The following ARFGEF1 variants were observed in gnomAD, a reference collection of about 807,000 sequenced individuals.
ARFGEF1 encodes ARF guanine nucleotide exchange factor 1, also known as brefeldin A-inhibited guanine nucleotide-exchange protein 1.
A neutral mutation model predicts 231.0 loss-of-function variants in ARFGEF1; 42 were observed. The observed-to-expected ratio is 0.18, with a 90% CI of 0.14 to 0.24. The LOEUF is 0.24. Ranked by LOEUF, ARFGEF1 falls within the 10% of genes least tolerant of loss-of-function variation. The probability of loss-of-function intolerance (pLI) is 1.00; values close to 1 mark genes in which losing one functional copy is unlikely to be tolerated. For missense variants in ARFGEF1, 1,345 were observed against 2,192.0 expected (o/e 0.61, Z 7.72); for synonymous variants, 710 against 732.3 (o/e 0.97, Z 0.49).
At chr8:67,327,357 G>A (rs1303537259) in intron 1 of ARFGEF1, among the ~76,000 whole-genome samples, 1 of 135,194 alleles carries the variant, frequency 7.4e-6, no homozygotes, top group East Asian at 2.1e-4. Context: ...TTTCGCTGTT[G>A]CCCAGGCTGG....
Position 67,246,980 on chromosome 8 carries a change from A to T in ARFGEF1, c.2850+4319T>A, listed in dbSNP as rs1323787088. Among the ~76,000 whole-genome samples, 2 of 150,222 alleles carry T rather than the reference A, an allele frequency of 1.3e-5. 1 individual carries two copies. The highest frequency in any genetic ancestry group is 5.0e-5 in the African/African-American group (2 of 40,220). On this transcript the variant is annotated intron_variant, in intron 19 of 38. Coordinates refer to ENST00000262215, the MANE Select transcript of ARFGEF1 (RefSeq NM_006421.5). ...TACTCTGAGCAACTACATGCCGGTA[A>T]ACTGGAAAATCTAAAGGAAATGGAT...
chr8:67,276,891 G>C (rs897693855), intron 8 of ARFGEF1, among the ~76,000 whole-genome samples: 2 of 152,086 alleles, frequency 1.3e-5, no homozygotes, highest in African/African-American at 4.8e-5. Flanking sequence ...TATGACCTCT[G>C]AGCGTCATCT....
In ARFGEF1 at chr8:67,259,719, A is replaced by G. The variant is rs888618199; in HGVS notation, c.2235+96T>C. 5 of 798,290 alleles carry G rather than the reference A, an allele frequency of 6.3e-6. No individual in the cohort carries two copies. In the African/African-American group the frequency reaches 8.7e-5, roughly 14 times the overall value. 49.5% of individuals were successfully genotyped at this position (798,290 alleles called of 1,614,324 possible). ...TGCCTGAGCCCAGGAGTTCAAAACT[A>G]GCCTGGGCAATATAGCGAGACCCTG... is the stretch of plus-strand genomic sequence containing the variant. On this transcript the variant is annotated intron_variant, in intron 15 of 38. Transcript: ENST00000262215.
chr8:67,218,103 T>G lies in ARFGEF1; in HGVS notation c.4374A>C (p.Ala1458=), dbSNP rs376777139. The change falls in exon 31 of 39, where the codon GCA becomes GCC. Residue 1458 remains alanine, a synonymous_variant. Coordinates refer to ENST00000262215, the MANE Select transcript of ARFGEF1 (RefSeq NM_006421.5). The part of the protein sequence containing the change: ...AEWMTTTCNH[A]LYAICDVFTQ... ...TGAATACATCACAGATTGCATAAAG[T>G]GCATGATTGCAAGTTGTTGTCATCC... 57 of 1,543,978 alleles carry G rather than the reference T, an allele frequency of 3.7e-5. No homozygotes were observed. The highest frequency in any genetic ancestry group is 4.9e-5 in the Non-Finnish European group (56 of 1,143,714).
At chr8:67,254,089 A>C (rs1436691741) in intron 17 of ARFGEF1, among the ~76,000 whole-genome samples, 1 of 152,210 alleles carries the variant, frequency 6.6e-6, no homozygotes, top group Admixed American at 6.5e-5. Flanking sequence ...ACCAGTTAAC[A>C]ATCTCTCTGA....
intron 15 of ARFGEF1, among the ~76,000 whole-genome samples, chr8:67,258,538 G>A (rs1840537283): frequency 3.3e-5 from 5 of 151,956 alleles, no homozygotes; most frequent in Admixed American, 3.3e-4. Context: ...ATCTTGGCCA[G>A]GCTGGTCTCC....
At position 67,259,862 on chromosome 8, in the gene ARFGEF1, G is replaced by T; in HGVS notation, c.2188C>A (p.Pro730Thr). The change falls in exon 15 of 39, where the codon CCT (proline) becomes ACT (threonine). Residue 730 changes from proline to threonine, a missense_variant. Pro to Thr is a conservative substitution (Grantham distance 38, BLOSUM62 -1). This residue lies in a region of ARFGEF1 where 105 missense variants were observed against 159.3 expected (regional missense o/e 0.66). Transcript: ENST00000262215. ...LQEQGMLGTT[P>T]EDIAQFLHQE... Reference sequence around the variant, plus strand: ...TGTAAGAATTGGGCAATATCTTCAGGTGTGGTGCCAAGCATCCCTTGTTCT... The same window carrying T: ...TGTAAGAATTGGGCAATATCTTCAGTTGTGGTGCCAAGCATCCCTTGTTCT... The T allele has an allele frequency of 1.2e-6, 2 of 1,613,140 alleles. No homozygotes were observed. Among genetic ancestry groups the T allele is most frequent in the Non-Finnish European group, 1.7e-6 (2 of 1,179,474 alleles).
intron 1 of ARFGEF1, among the ~76,000 whole-genome samples, chr8:67,308,007 C>T (rs1289658806): frequency 5.3e-5 from 8 of 152,194 alleles, no homozygotes; most frequent in Non-Finnish European, 8.8e-5. Flanking sequence ...TGTGAGAAGC[C>T]CAAGCCACTT....
chr8:67,211,022 C>T (rs996742082), intron 34 of ARFGEF1, among the ~76,000 whole-genome samples: 6 of 134,104 alleles, frequency 4.5e-5, no homozygotes, highest in South Asian at 2.4e-4. Flanking sequence ...CCAGCGTAGG[C>T]GACAGGGTGA....
chr8:67,212,123 C>A (rs1021678383), intron 33 of ARFGEF1, among the ~76,000 whole-genome samples: 1 of 152,158 alleles, frequency 6.6e-6, no homozygotes, highest in Admixed American at 6.5e-5. Context: ...GCTCTTGTTG[C>A]CCAGGCTGGA....
intron 14 of ARFGEF1, among the ~76,000 whole-genome samples, chr8:67,261,852 T>TA (rs983843639): frequency 2.1e-5 from 3 of 142,390 alleles, no homozygotes; most frequent in South Asian, 2.2e-4. Flanking sequence ...TTTTTTTTTT[T>TA]AAAGAAATGG....
rs1408637115 is a variant in ARFGEF1 at position 67,292,180 on chromosome 8, GATA to G, written c.640-60_640-58del. The G allele has an allele frequency of 4.1e-6, 6 of 1,480,684 alleles. No individual in the cohort carries two copies. In the African/African-American group the frequency reaches 8.4e-5, roughly 21 times the overall value. The allele number at this position is 1,480,684 out of a possible 1,614,324, so 91.7% of individuals were successfully genotyped here. On this transcript the variant is annotated intron_variant, in intron 5 of 38. Coordinates refer to ENST00000262215, the MANE Select transcript of ARFGEF1 (RefSeq NM_006421.5). ...AAATAAGTTGTTTAAAATTTGGAAG[GATA>G]ATGTTACCTCCAACAATCCTTTCTA...
chr8:67,258,894 C>T (rs1840553500), intron 15 of ARFGEF1, among the ~76,000 whole-genome samples: 1 of 151,314 alleles, frequency 6.6e-6, no homozygotes, highest in South Asian at 2.1e-4. Flanking sequence ...GGTTCCAGGA[C>T]CCTGCATGGA....
At chr8:67,174,019 G>A (rs987932155), downstream of ARFGEF1, 4 of 151,690 alleles carry the variant, frequency 2.6e-5, no homozygotes, top group Admixed American at 6.6e-5. Flanking sequence ...CTAATATGGC[G>A]TGTGTGTGTG....
rs760372196 is a variant in ARFGEF1 at position 67,271,833 on chromosome 8, T to C, written c.1441A>G (p.Ile481Val). ...FRTNEMFINA[I>V]KQYLCVALSK... ...AGTGCAACACAAAGATACTGCTTAA[T>C]AGCATTAATAAACATCTCATTTGTC... is the stretch of plus-strand genomic sequence containing the variant. The change falls in exon 10 of 39, where the codon ATT (isoleucine) becomes GTT (valine). Residue 481 changes from isoleucine to valine, a missense_variant. This residue lies in a region of ARFGEF1 where 141 missense variants were observed against 259.9 expected (regional missense o/e 0.54). Coordinates refer to ENST00000262215, the MANE Select transcript of ARFGEF1 (RefSeq NM_006421.5). The C allele has an allele frequency of 1.9e-6, 3 of 1,613,714 alleles. No homozygotes were observed. Among genetic ancestry groups the C allele is most frequent in the South Asian group, 1.1e-5 (1 of 91,078 alleles).
intron 17 of ARFGEF1, among the ~76,000 whole-genome samples, chr8:67,255,420 C>T (rs200712493): frequency 3.9e-5 from 6 of 151,904 alleles, no homozygotes; most frequent in Non-Finnish European, 7.4e-5. Flanking sequence ...CTAAATATGC[C>T]TAAAATTTTT....
intron 6 of ARFGEF1, among the ~76,000 whole-genome samples, chr8:67,288,822 A>C (rs1402881506): frequency 6.6e-6 from 1 of 152,166 alleles, no homozygotes; most frequent in African/African-American, 2.4e-5. Context: ...GTCCCTGAAG[A>C]AGCATCTGGG....
chr8:67,330,269 A>G (rs1808039243), intron 1 of ARFGEF1, among the ~76,000 whole-genome samples: 1 of 152,148 alleles, frequency 6.6e-6, no homozygotes, highest in African/African-American at 2.4e-5. Flanking sequence ...AATTCAATAA[A>G]GGTAGCCATA....
At chr8:67,222,609 C>A (rs796553279) in intron 29 of ARFGEF1, among the ~76,000 whole-genome samples, 3 of 152,214 alleles carry the variant, frequency 2.0e-5, no homozygotes, top group African/African-American at 7.2e-5. Flanking sequence ...CACCACCACG[C>A]CTCGCTAATT....
Sources: allele counts gnomAD v4.1 joint callset (sites outside exome capture counted in the v4.1 genomes callset), GRCh38; gene constraint gnomAD v4.1.1; regional missense constraint gnomAD v4.1.1; transcripts MANE v1.5; gene names NCBI Gene and HGNC (gene_info 2026-07-23, HGNC 2026-07-21).